CAMTA1: variants seen among roughly 807,000 people sequenced by gnomAD.
CAMTA1 encodes the protein calmodulin-binding transcription activator 1.
A neutral mutation model predicts 170.9 loss-of-function variants in CAMTA1; 27 were observed. The observed-to-expected ratio is 0.16, with a 90% CI of 0.12 to 0.22. CAMTA1 has a LOEUF of 0.22. CAMTA1 is among the 10% of genes least tolerant of loss of function. The pLI is 1.00. For missense variants in CAMTA1, 1,619 were observed against 2,217.2 expected, an observed-to-expected ratio of 0.73 and a Z score of 5.42; for synonymous variants, 833 against 891.5, an observed-to-expected ratio of 0.93 and a Z score of 1.17.
In CAMTA1 at chr1:7,743,652, A is replaced by G. The variant is rs2096834325; in HGVS notation, c.4183-1183A>G. ...GTGTTGGCAGGAGAAGCATTTTGTC[A>G]CTTTGTATAGTTCCATCGAGAACAT... On this transcript the variant is annotated intron_variant, in intron 16 of 22. Transcript: ENST00000303635. 3.9e-5 allele frequency among the ~76,000 whole-genome samples: 6 copies of G among 151,986 alleles called. 1 individual carries two copies. The South Asian group carries it at 1.2e-3, about 32-fold the overall frequency.
At chr1:7,391,040 C>G (rs905567888) in intron 5 of CAMTA1, among the ~76,000 whole-genome samples, 3 of 152,030 alleles carry the variant, frequency 2.0e-5, no homozygotes, top group Non-Finnish European at 4.4e-5. Context: ...TCTTGTTGCC[C>G]GGGCTGGAGT....
At chr1:7,240,852 A>G (rs114543207) in intron 4 of CAMTA1, among the ~76,000 whole-genome samples, 1,936 of 152,294 alleles carry the variant, frequency 0.013, 40 homozygotes, top group African/African-American at 0.045. Context: ...AGCTAACATC[A>G]TACTTAATGA....
intron 4 of CAMTA1, among the ~76,000 whole-genome samples, chr1:7,108,141 C>T (rs116554130): frequency 0.053 from 8,097 of 152,120 alleles, 230 homozygotes; most frequent in Middle Eastern, 0.068. Context: ...AGGGAGTTAG[C>T]GAGCCCCAAA....
chr1:7,076,332 G>A (rs951367375), intron 3 of CAMTA1, among the ~76,000 whole-genome samples: 10 of 152,128 alleles, frequency 6.6e-5, no homozygotes, highest in African/African-American at 1.9e-4. Context: ...TTATGGCTTT[G>A]ACATTATTGC....
intron 9 of CAMTA1, among the ~76,000 whole-genome samples, 173 bp from the exon 10 acceptor site, chr1:7,670,738 G>A (rs551665639): frequency 1.3e-5 from 2 of 152,296 alleles, no homozygotes; most frequent in South Asian, 4.1e-4. Flanking sequence ...TCCTGGAGCT[G>A]TGGTTCTCAG....
chr1:7,363,446 T>C (rs2085713459), intron 5 of CAMTA1, among the ~76,000 whole-genome samples: 1 of 152,154 alleles, frequency 6.6e-6, no homozygotes, highest in Admixed American at 6.5e-5. Context: ...AGGAATGATC[T>C]GGGGGTGACC....
At chr1:6,786,199 C>T (rs770249508) in intron 1 of CAMTA1, among the ~76,000 whole-genome samples, 1 of 151,984 alleles carries the variant, frequency 6.6e-6, no homozygotes, top group Non-Finnish European at 1.5e-5. Context: ...GCCAGGGGGA[C>T]CCCGTCCTGC....
At chr1:7,477,689 C>G (rs1199365780) in intron 6 of CAMTA1, among the ~76,000 whole-genome samples, 1 of 152,208 alleles carries the variant, frequency 6.6e-6, no homozygotes, top group East Asian at 1.9e-4. Context: ...TTCACCCCTC[C>G]CCGCCTCTGG....
At chr1:7,654,752 T>TACAC (rs1256493316) in intron 7 of CAMTA1, among the ~76,000 whole-genome samples, 3 of 37,896 alleles carry the variant, frequency 7.9e-5, no homozygotes, top group Non-Finnish European at 1.1e-4. Context: ...TACACACACA[T>TACAC]ATACAAACAC....
At chr1:7,599,546 A>T (rs1197509773) in intron 6 of CAMTA1, among the ~76,000 whole-genome samples, 1 of 152,158 alleles carries the variant, frequency 6.6e-6, no homozygotes, top group Admixed American at 6.5e-5. Context: ...GGCCATTTTC[A>T]TGATATTGAT....
intron 4 of CAMTA1, among the ~76,000 whole-genome samples, chr1:7,176,378 G>C (rs903862413): frequency 1.3e-5 from 2 of 152,184 alleles, no homozygotes; most frequent in African/African-American, 4.8e-5. Context: ...GCTTGAGGGA[G>C]ATGTAGGCTG....
chr1:7,250,538 C>T (rs1666471545), intron 5 of CAMTA1, among the ~76,000 whole-genome samples: 1 of 152,092 alleles, frequency 6.6e-6, no homozygotes. Context: ...GTTGAGTTTG[C>T]GAGCATACAG....
intron 6 of CAMTA1, among the ~76,000 whole-genome samples, chr1:7,610,737 A>G (rs980576553): frequency 6.6e-6 from 1 of 152,212 alleles, no homozygotes; most frequent in Non-Finnish European, 1.5e-5. Context: ...GGGAAGGCCT[A>G]TGGCTTTTTC....
intron 2 of CAMTA1, among the ~76,000 whole-genome samples, chr1:6,821,627 C>T (rs570296316): frequency 2.4e-4 from 36 of 152,162 alleles, no homozygotes; most frequent in African/African-American, 7.7e-4. Context: ...TAACAGTGTT[C>T]ATCATTATTC....
intron 3 of CAMTA1, among the ~76,000 whole-genome samples, chr1:7,090,100 C>T (rs1174773233): frequency 6.6e-6 from 1 of 152,226 alleles, no homozygotes; most frequent in Non-Finnish European, 1.5e-5. Flanking sequence ...TTCCCAATCA[C>T]TGGCTGCCTT....
intron 5 of CAMTA1, among the ~76,000 whole-genome samples, chr1:7,366,503 A>G (rs845269): frequency 0.63 from 95,680 of 152,144 alleles, 31,895 homozygotes; most frequent in Non-Finnish European, 0.75. Context: ...CTCTTGGCAA[A>G]TGGAATTATT....
In CAMTA1 at chr1:6,970,584, C is replaced by T. The variant is rs187277179; in HGVS notation, c.235-120720C>T. Among the ~76,000 whole-genome samples, 16 of 152,164 alleles carry T rather than the reference C, an allele frequency of 1.1e-4. No homozygotes were observed. The East Asian group carries it at 2.3e-3, about 22-fold the overall frequency. On this transcript the variant is annotated intron_variant, in intron 3 of 22. Coordinates refer to ENST00000303635, the MANE Select transcript of CAMTA1 (RefSeq NM_015215.4). The surrounding 1 kb of genome is among the most constrained non-coding windows in gnomAD (Gnocchi z 4.4). Reference sequence around the variant, plus strand: ...ACTCCACCTGAGGCCTGAAGGATACCGTGAGTCTGAAGACTCCACAGAACT... The same window carrying T: ...ACTCCACCTGAGGCCTGAAGGATACTGTGAGTCTGAAGACTCCACAGAACT...
At chr1:7,107,201 C>T (rs567951073) in intron 4 of CAMTA1, among the ~76,000 whole-genome samples, 1 of 151,944 alleles carries the variant, frequency 6.6e-6, no homozygotes, top group East Asian at 1.9e-4. Context: ...TCACACATAT[C>T]TGAGATAACT....
In CAMTA1 at chr1:6,921,429, C is replaced by T. The variant is rs1390286406; in HGVS notation, c.234+96219C>T. Among the ~76,000 whole-genome samples the T allele has an allele frequency of 3.9e-5, 6 of 152,206 alleles. No homozygotes were observed. In the East Asian group the frequency reaches 5.8e-4, roughly 15 times the overall value. ...CAGCAAGTCTCTAGGAAGTTCCAAA[C>T]TTTTGCACGTTTTCCTGTCTTCTTC... On this transcript the variant is annotated intron_variant, in intron 3 of 22. Coordinates refer to ENST00000303635, the MANE Select transcript of CAMTA1 (RefSeq NM_015215.4).
Sources: gnomAD v4.1 joint callset for allele counts (sites outside exome capture counted in the v4.1 genomes callset) on GRCh38, gnomAD v4.1.1 for gene constraint, Gnocchi (gnomAD v3.1) non-coding constraint, MANE v1.5 for transcripts, NCBI Gene and HGNC (gene_info 2026-07-23, HGNC 2026-07-21) for gene names.